Variants in STAT5A observed in about 807,000 individuals in gnomAD.
STAT5A encodes epididymis secretory sperm binding protein.
Under a neutral mutation model 100.2 loss-of-function variants are expected in STAT5A, and 26 were observed. The observed-to-expected ratio is 0.26, with a 90% CI of 0.19 to 0.36. The LOEUF is 0.36. STAT5A is among the 10% of genes least tolerant of loss of function. The pLI is 1.00. For synonymous variants in STAT5A, 330 were observed against 424.3 expected, an observed-to-expected ratio of 0.78 and a Z score of 2.73; for missense variants, 634 against 1,027.5, an observed-to-expected ratio of 0.62 and a Z score of 5.24.
At chr17:42,302,745 C>A (rs1291511152) in intron 9 of STAT5A, among the ~76,000 whole-genome samples, 1 of 151,956 alleles carries the variant, frequency 6.6e-6, no homozygotes, top group East Asian at 1.9e-4. Context: ...ACCAGCCTGG[C>A]CACCATGGTG....
chr17:42,309,295 C>A, intron 17 of STAT5A, 82 bp from the exon 18 acceptor site: 2 of 1,555,524 alleles, frequency 1.3e-6, no homozygotes, highest in Non-Finnish European at 1.8e-6. Context: ...CCGAGAAAGA[C>A]AAACATGCCC....
At chr17:42,299,946 G>A in intron 6 of STAT5A, 65 bp downstream of exon 6, 1 of 1,527,916 alleles carries the variant, frequency 6.5e-7, no homozygotes, top group East Asian at 2.4e-5. Context: ...GGGACCCGAG[G>A]GAGGGCTGGG....
chr17:42,304,220 G>T lies in STAT5A; in HGVS notation c.1170-122G>T. On this transcript the variant is annotated intron_variant, in intron 9 of 18. Transcript: ENST00000590949. The surrounding 1 kb of genome is among the most constrained non-coding windows in gnomAD (Gnocchi z 4.8). ...AAAGACGCCAAGAAACACTCTTAGGGGATACGGGGCAGGGGCTGCTGGCAG... is the reference window on the plus strand; with the variant it reads ...AAAGACGCCAAGAAACACTCTTAGGTGATACGGGGCAGGGGCTGCTGGCAG... 1 of 867,056 alleles carries T rather than the reference G, an allele frequency of 1.2e-6. No individual in the cohort carries two copies. The allele number at this position is 867,056 out of a possible 1,614,324, so 53.7% of individuals were successfully genotyped here.
chr17:42,309,305 C>T, intron 17 of STAT5A, 72 bp from the exon 18 acceptor site: 1 of 1,567,842 alleles, frequency 6.4e-7, no homozygotes, highest in Non-Finnish European at 8.8e-7. Context: ...CAAACATGCC[C>T]CTCGGTCCCC....
In STAT5A at chr17:42,304,566, G is replaced by A; in HGVS notation, c.1294G>A (p.Ala432Thr). 4 of 1,614,266 alleles carry A rather than the reference G, an allele frequency of 2.5e-6. No homozygotes were observed. The highest frequency in any genetic ancestry group is 3.4e-6 in the Non-Finnish European group (4 of 1,180,050). Residue 432 changes from alanine to threonine, a missense_variant, in exon 11 of 19, where the codon GCA (alanine) becomes ACA (threonine). Around this residue, in one of 5 missense-constraint regions of STAT5A, gnomAD observed 210 missense variants for 428.4 expected, o/e 0.49. Transcript: ENST00000590949. The surrounding 1 kb of genome is among the most constrained non-coding windows in gnomAD (Gnocchi z 4.8). ...GATCAAGCGTGCTGACCGGCGGGGT[G>A]CAGAGTCCGTGACAGAGGAGAAGTT... ...KRIKRADRRGAESVTEEKFTV... is the reference protein window; with the variant it reads ...KRIKRADRRGTESVTEEKFTV...
At chr17:42,298,384 C>T (rs1445061999) in intron 5 of STAT5A, among the ~76,000 whole-genome samples, 2 of 151,814 alleles carry the variant, frequency 1.3e-5, no homozygotes, top group Non-Finnish European at 2.9e-5. Context: ...TGGTCTCGAA[C>T]TCTTGACCTC....
At chr17:42,296,183 G>A (rs1394114751) in intron 5 of STAT5A, among the ~76,000 whole-genome samples, 3 of 152,004 alleles carry the variant, frequency 2.0e-5, no homozygotes, top group Admixed American at 6.5e-5. Flanking sequence ...TGTAAATATC[G>A]ACACAAATAG....
intron 12 of STAT5A, 168 bp from the exon 13 acceptor site, chr17:42,306,073 G>A (rs1004858496): frequency 3.3e-6 from 4 of 1,217,204 alleles, no homozygotes; most frequent in Non-Finnish European, 3.4e-6. Flanking sequence ...GGGAAAAAAA[G>A]TGCAAGCTAG....
At position 42,304,183 on chromosome 17, in the gene STAT5A, T is replaced by A. The variant is rs1008084157; in HGVS notation, c.1170-159T>A. On this transcript the variant is annotated intron_variant, in intron 9 of 18. Transcript: ENST00000590949. This position sits in a 1 kb window ranked among gnomAD's most constrained non-coding sequence, Gnocchi z 4.8. Reference sequence around the variant, plus strand: ...GCTGGGCACCAGGTTGATGGAGAAGTCAGTAACCCAGAAAGACGCCAAGAA... The same window carrying A: ...GCTGGGCACCAGGTTGATGGAGAAGACAGTAACCCAGAAAGACGCCAAGAA... 6 of 660,482 alleles carry A rather than the reference T, an allele frequency of 9.1e-6. No homozygotes were observed. In the African/African-American group the frequency reaches 1.1e-4, roughly 12 times the overall value. 40.9% of individuals were successfully genotyped at this position (660,482 alleles called of 1,614,324 possible).
Position 42,310,509 on chromosome 17 carries a change from C to G in STAT5A, c.2225C>G (p.Pro742Arg). The change falls in exon 19 of 19, where the codon CCT becomes CGT. Residue 742 changes from proline (P) to arginine (R), a missense_variant and splice_region_variant. Physicochemically the swap from Pro to Arg is moderately radical, Grantham distance 103. Coordinates refer to ENST00000590949, the MANE Select transcript of STAT5A (RefSeq NM_001288718.2). ...TGACATCCCCCTGTCTTTACCAGCC[C>G]TGACCATGTACTCGATCAGGATGGA... ...QAPYNMYPQN[P>R]DHVLDQDGEF... is the part of the protein sequence containing the mutation. The G allele has an allele frequency of 1.9e-6, 3 of 1,614,160 alleles. No individual in the cohort carries two copies. Among genetic ancestry groups the G allele is most frequent in the Non-Finnish European group, 2.5e-6 (3 of 1,180,018 alleles).
At chr17:42,296,649 C>CT (rs1290165752) in intron 5 of STAT5A, among the ~76,000 whole-genome samples, 2 of 151,648 alleles carry the variant, frequency 1.3e-5, no homozygotes, top group South Asian at 4.2e-4. Flanking sequence ...TTTTTCTTTT[C>CT]TTTTTTTTGA....
chr17:42,307,812 C>T, intron 15 of STAT5A, 89 bp downstream of exon 15: 2 of 1,544,574 alleles, frequency 1.3e-6, no homozygotes, highest in Non-Finnish European at 8.8e-7. Flanking sequence ...GGGCCTGTGT[C>T]CTTAGAAGGT....
At chr17:42,290,153 G>A in intron 3 of STAT5A, 131 bp downstream of exon 3, 2 of 1,255,120 alleles carry the variant, frequency 1.6e-6, no homozygotes, top group Non-Finnish European at 1.1e-6. Flanking sequence ...ACTTTTCTTC[G>A]ATTTCCCCCA....
intron 4 of STAT5A, among the ~76,000 whole-genome samples, chr17:42,294,609 T>TA (rs1200525603): frequency 3.9e-5 from 6 of 152,214 alleles, no homozygotes; most frequent in African/African-American, 1.4e-4. Context: ...TGGTACCAGT[T>TA]AAAGTGCTTT....
upstream of STAT5A, chr17:42,287,684 C>T (rs892330060): frequency 3.3e-5 from 5 of 152,306 alleles, no homozygotes; most frequent in Admixed American, 1.3e-4. Context: ...GGGGCGCTGG[C>T]TAGTTTATGG....
At chr17:42,302,770 C>T (rs972699508) in intron 9 of STAT5A, among the ~76,000 whole-genome samples, 7 of 151,772 alleles carry the variant, frequency 4.6e-5, no homozygotes, top group Non-Finnish European at 7.4e-5. Flanking sequence ...CCTGTCTCTA[C>T]TAAAAATACA....
At position 42,307,383 on chromosome 17, in the gene STAT5A, G is replaced by A. The variant is rs2081038998; in HGVS notation, c.1681-19G>A. ...GACCTGGGGCACCAGCCCTGACTCG[G>A]GGGTTCCTGGGCCCTCAGGAGAACT... On this transcript the variant is annotated intron_variant, in intron 13 of 18. Coordinates refer to ENST00000590949, the MANE Select transcript of STAT5A (RefSeq NM_001288718.2). The A allele has an allele frequency of 6.2e-7, 1 of 1,611,808 alleles. No homozygotes were observed.
rs1203559501 is a variant in STAT5A at position 42,304,065 on chromosome 17, A to G, written c.1170-277A>G. 1 of 463,326 alleles carries G rather than the reference A, an allele frequency of 2.2e-6. No individual in the cohort carries two copies. The highest frequency in any genetic ancestry group is 3.9e-6 in the Non-Finnish European group (1 of 254,460). The allele number at this position is 463,326 out of a possible 1,614,324, so 28.7% of individuals were successfully genotyped here. ...TTTTATCTTAAGTGCATTAGAAGCT[A>G]TTGGAAGTCCCCAAAGCCCTCACAT... On this transcript the variant is annotated intron_variant, in intron 9 of 18. Coordinates refer to ENST00000590949, the MANE Select transcript of STAT5A (RefSeq NM_001288718.2). The surrounding 1 kb of genome is among the most constrained non-coding windows in gnomAD (Gnocchi z 4.8).
chr17:42,302,731 C>T (rs1267798014), intron 9 of STAT5A, among the ~76,000 whole-genome samples: 1 of 151,950 alleles, frequency 6.6e-6, no homozygotes, highest in Admixed American at 6.6e-5. Context: ...GCCAGGAGTT[C>T]GAGACCAGCC....
Sources: allele counts gnomAD v4.1 joint callset (sites outside exome capture counted in the v4.1 genomes callset), GRCh38; gene constraint gnomAD v4.1.1; regional missense constraint gnomAD v4.1.1; non-coding constraint Gnocchi (gnomAD v3.1); transcripts MANE v1.5; gene names NCBI Gene and HGNC (gene_info 2026-07-23, HGNC 2026-07-21).